RBMS1: variants seen among roughly 807,000 people sequenced by gnomAD.
RBMS1 encodes RNA binding motif single stranded interacting protein 1.
A neutral mutation model predicts 62.3 loss-of-function variants in RBMS1; 17 were observed. The ratio of observed to expected loss-of-function variants is 0.27; its 90% confidence interval spans 0.19 to 0.41. The LOEUF (loss-of-function observed/expected upper bound fraction) is 0.41. Among genes scored for constraint, RBMS1 ranks in the 10% least tolerant of loss-of-function variants. RBMS1 has a pLI of 1.00. For synonymous variants in RBMS1, 172 were observed against 170.0 expected, an observed-to-expected ratio of 1.01 and a Z score of -0.09; for missense variants, 334 against 504.5, an observed-to-expected ratio of 0.66 and a Z score of 3.24.
chr2:160,359,641 C>T (rs950669981), intron 2 of RBMS1, among the ~76,000 whole-genome samples: 1 of 152,168 alleles, frequency 6.6e-6, no homozygotes, highest in Admixed American at 6.5e-5. Context: ...GGGCCCATTG[C>T]TCCTTTCAGA....
chr2:160,471,718 A>AAG (rs1357101386), intron 1 of RBMS1, among the ~76,000 whole-genome samples: 6 of 14,526 alleles, frequency 4.1e-4, no homozygotes, highest in Admixed American at 8.3e-4. Flanking sequence ...TATATATATA[A>AAG]CCTTTCATAC....
At chr2:160,332,984 A>ATAAAATAAAATAAG (rs1691363814) in intron 2 of RBMS1, among the ~76,000 whole-genome samples, 1 of 151,974 alleles carries the variant, frequency 6.6e-6, no homozygotes, top group Non-Finnish European at 1.5e-5. Context: ...CTATACACAC[A>ATAAAATAAAATAAG]CATACATAAA....
chr2:160,471,691 G>GTGTGTATATATATATATA (rs1275928756), intron 1 of RBMS1, among the ~76,000 whole-genome samples: 11 of 65,944 alleles, frequency 1.7e-4, no homozygotes, highest in African/African-American at 4.9e-4. Context: ...ATCCTTTGGT[G>GTGTGTATATATATATATA]TATATATATA....
intron 4 of RBMS1, among the ~76,000 whole-genome samples, chr2:160,311,209 A>ATCT (rs1553505366): frequency 1.6e-4 from 9 of 57,732 alleles, no homozygotes; most frequent in East Asian, 9.7e-4. Context: ...AAAAAAAAAA[A>ATCT]ATCTATCTAT....
intron 2 of RBMS1, among the ~76,000 whole-genome samples, chr2:160,348,593 A>T (rs932798374): frequency 6.6e-6 from 1 of 152,142 alleles, no homozygotes; most frequent in Non-Finnish European, 1.5e-5. Flanking sequence ...GAGCCTGAAG[A>T]GCTTGTCTAA....
At chr2:160,284,086 G>C (rs1328240311) in intron 9 of RBMS1, 2 of 152,394 alleles carry the variant, frequency 1.3e-5, no homozygotes, top group East Asian at 1.9e-4. Context: ...GGTCCAGGAA[G>C]TAATCCTGTT....
Position 160,493,422 on chromosome 2 carries a change from G to A in RBMS1, c.-59C>T. The A allele has an allele frequency of 4.6e-6, 7 of 1,533,522 alleles. No homozygotes were observed. The highest frequency in any genetic ancestry group is 4.5e-5 in the South Asian group (4 of 89,226). 95.0% of individuals were successfully genotyped at this position (1,533,522 alleles called of 1,614,324 possible). On this transcript the variant is annotated 5_prime_UTR_variant, in exon 1 of 14. Coordinates refer to ENST00000348849, the MANE Select transcript of RBMS1 (RefSeq NM_016836.4). ...GGACACTTTGGGGTTTCCAAGTCTC[G>A]GGCTCTCCTGCCTCTCCCTTTCCGG...
chr2:160,324,937 C>CATAT (rs1358167153), intron 2 of RBMS1, among the ~76,000 whole-genome samples: 24 of 141,624 alleles, frequency 1.7e-4, no homozygotes, highest in Non-Finnish European at 3.1e-4. Context: ...CACACACACA[C>CATAT]ATATATATGC....
chr2:160,293,498 G>T (rs574572719), intron 6 of RBMS1, among the ~76,000 whole-genome samples: 3 of 152,332 alleles, frequency 2.0e-5, no homozygotes, highest in East Asian at 3.9e-4. Context: ...AGCTGTGAGC[G>T]ATGTGGCAGA....
chr2:160,319,794 C>G (rs1690453124), intron 2 of RBMS1, among the ~76,000 whole-genome samples: 1 of 151,948 alleles, frequency 6.6e-6, no homozygotes, highest in Non-Finnish European at 1.5e-5. Context: ...ATATATTTAT[C>G]TAGAAGAAAA....
intron 4 of RBMS1, among the ~76,000 whole-genome samples, chr2:160,310,252 A>C (rs77328924): frequency 6.6e-6 from 1 of 152,210 alleles, no homozygotes; most frequent in Non-Finnish European, 1.5e-5. Context: ...CATATAACAA[A>C]TGGTTCTGTT....
chr2:160,426,531 A>C (rs1682634812), intron 1 of RBMS1, among the ~76,000 whole-genome samples: 1 of 152,248 alleles, frequency 6.6e-6, no homozygotes, highest in Admixed American at 6.5e-5. Context: ...TCTCTGAAAG[A>C]AACTATCATG....
chr2:160,318,322 C>T, intron 2 of RBMS1, 95 bp from the exon 3 acceptor site: 4 of 1,401,294 alleles, frequency 2.9e-6, no homozygotes, highest in Non-Finnish European at 3.7e-6. Context: ...AAAGAACACA[C>T]ATTCTTTTCA....
Position 160,319,283 on chromosome 2 carries a change from G to A in RBMS1, c.252-1056C>T, listed in dbSNP as rs779306722. Among the ~76,000 whole-genome samples the A allele has an allele frequency of 7.5e-4, 114 of 152,112 alleles. 1 individual carries two copies. The highest frequency in any genetic ancestry group is 2.0e-4 in the Admixed American group (3 of 15,268). On this transcript the variant is annotated intron_variant, in intron 2 of 13. Coordinates refer to ENST00000348849, the MANE Select transcript of RBMS1 (RefSeq NM_016836.4). The stretch of plus-strand genomic sequence containing the variant: ...TCCCAGCACTTTGGGAGGGTGAGGC[G>A]GATGGATCACTTGTGGCCAGGAGTT...
intron 2 of RBMS1, among the ~76,000 whole-genome samples, chr2:160,324,907 TACACACACACACACACACAC>T (rs1183675474): frequency 1.9e-5 from 2 of 106,770 alleles, no homozygotes; most frequent in Non-Finnish European, 3.6e-5. Flanking sequence ...TATATATATA[TACACACACACACACACACAC>T]ACACACACAC....
At chr2:160,361,653 G>A (rs948724162) in intron 2 of RBMS1, among the ~76,000 whole-genome samples, 8 of 152,128 alleles carry the variant, frequency 5.3e-5, no homozygotes, top group Non-Finnish European at 2.9e-5. Flanking sequence ...TGTGCATACC[G>A]TAATTTAAAA....
intron 1 of RBMS1, among the ~76,000 whole-genome samples, chr2:160,492,293 T>C (rs1205038474): frequency 1.3e-5 from 2 of 152,106 alleles, no homozygotes; most frequent in African/African-American, 4.8e-5. Context: ...AGCAGTGAAA[T>C]TTCCAGTCTT....
rs1204942777 is a variant in RBMS1 at position 160,493,536 on chromosome 2, CTCCTCT to C, written c.-179_-174del. 6 of 622,752 alleles carry C rather than the reference CTCCTCT, an allele frequency of 9.6e-6. No individual in the cohort carries two copies. The highest frequency in any genetic ancestry group is 4.0e-5 in the African/African-American group (2 of 49,828). 38.6% of individuals were successfully genotyped at this position (622,752 alleles called of 1,614,324 possible). Reference sequence around the variant, plus strand: ...GGGACCAGACGTCCTCCTCCTCCTCCTCCTCTTCCTCCTCCTCCTCCTCCTCCTCCT... The same window carrying C: ...GGGACCAGACGTCCTCCTCCTCCTCCTCCTCCTCCTCCTCCTCCTCCTCCT... On this transcript the variant is annotated 5_prime_UTR_variant, in exon 1 of 14. Transcript: ENST00000348849.
chr2:160,396,407 C>T, intron 1 of RBMS1, among the ~76,000 whole-genome samples: 1 of 152,228 alleles, frequency 6.6e-6, no homozygotes, highest in Non-Finnish European at 1.5e-5. Context: ...CAGACAGACC[C>T]ATATGTACTA....
Sources: gnomAD v4.1 joint callset for allele counts (sites outside exome capture counted in the v4.1 genomes callset) on GRCh38, gnomAD v4.1.1 for gene constraint, MANE v1.5 for transcripts, NCBI Gene and HGNC (gene_info 2026-07-23, HGNC 2026-07-21) for gene names.